Variants in SLC8A1 observed in about 807,000 individuals in gnomAD.
SLC8A1 encodes the protein sodium/calcium exchanger 1.
In SLC8A1, 18 loss-of-function variants were observed where a neutral mutation model predicts 68.3. The ratio of observed to expected loss-of-function variants is 0.26; its 90% confidence interval spans 0.18 to 0.39. The LOEUF (loss-of-function observed/expected upper bound fraction) is 0.39. Ranked by LOEUF, SLC8A1 falls within the 10% of genes least tolerant of loss-of-function variation. The pLI is 1.00. For synonymous variants in SLC8A1, 475 were observed against 415.5 expected (o/e 1.14, Z -1.74); for missense variants, 985 against 1,156.7 (o/e 0.85, Z 2.15).
chr2:40,250,672 C>CCTAA (rs1229491964), intron 2 of SLC8A1, among the ~76,000 whole-genome samples: 1 of 152,142 alleles, frequency 6.6e-6, no homozygotes, highest in African/African-American at 2.4e-5. Context: ...GAAACTTTCG[C>CCTAA]CTAACTTTCT....
chr2:40,141,595 C>G (rs113649836), intron 6 of SLC8A1, among the ~76,000 whole-genome samples: 19 of 152,218 alleles, frequency 1.2e-4, no homozygotes, highest in South Asian at 6.2e-4. Context: ...CATTGCTGAC[C>G]GTTTGCTCTG....
chr2:40,166,280 G>T (rs2046545684), intron 4 of SLC8A1, among the ~76,000 whole-genome samples: 1 of 152,160 alleles, frequency 6.6e-6, no homozygotes, highest in African/African-American at 2.4e-5. Flanking sequence ...CTCGTTGTGA[G>T]GGCAGGGAGT....
At chr2:40,500,860 C>T (rs1342210400) in intron 1 of SLC8A1, among the ~76,000 whole-genome samples, 1 of 117,700 alleles carries the variant, frequency 8.5e-6, no homozygotes, top group Non-Finnish European at 1.6e-5. Context: ...CTGCCTACTG[C>T]AGCCAGGAAG....
chr2:40,208,195 G>T (rs1256381517), intron 2 of SLC8A1, among the ~76,000 whole-genome samples: 1 of 152,132 alleles, frequency 6.6e-6, no homozygotes, highest in Non-Finnish European at 1.5e-5. Context: ...CCTCAGTCCA[G>T]TGAGCACTGA....
Position 40,178,147 on chromosome 2 carries a change from G to A in SLC8A1, c.1809-292C>T, listed in dbSNP as rs556678037. Among the ~76,000 whole-genome samples, 239 of 152,332 alleles carry A rather than the reference G, an allele frequency of 1.6e-3. 1 individual carries two copies. The highest frequency in any genetic ancestry group is 5.6e-3 in the African/African-American group (232 of 41,576). Reference sequence around the variant, plus strand: ...CATGGCATCTGCAGCAACTTTCCCAGAAATGGATGCTTGATTGACTGCCCT... The same window carrying A: ...CATGGCATCTGCAGCAACTTTCCCAAAAATGGATGCTTGATTGACTGCCCT... On this transcript the variant is annotated intron_variant, in intron 2 of 7. Coordinates refer to ENST00000406785, the Ensembl canonical transcript of SLC8A1.
At chr2:40,346,687 G>C (rs577954048) in intron 2 of SLC8A1, among the ~76,000 whole-genome samples, 3 of 152,274 alleles carry the variant, frequency 2.0e-5, no homozygotes, top group South Asian at 4.1e-4. Context: ...AAAAGTCTGA[G>C]TGCCAAACAG....
chr2:40,302,437 T>C (rs1029524311), intron 2 of SLC8A1, among the ~76,000 whole-genome samples: 6 of 132,950 alleles, frequency 4.5e-5, no homozygotes, highest in African/African-American at 1.1e-4. Context: ...TAGTATTCCA[T>C]TGTGTGTGTG....
intron 2 of SLC8A1, among the ~76,000 whole-genome samples, chr2:40,289,139 A>C (rs2068848874): frequency 6.6e-6 from 1 of 152,040 alleles, no homozygotes. Context: ...ACTTTTACGC[A>C]ATATCATTTT....
At chr2:40,170,328 A>G (rs1248760835) in intron 4 of SLC8A1, 2 of 1,614,092 alleles carry the variant, frequency 1.2e-6, no homozygotes, top group Admixed American at 1.7e-5. Flanking sequence ...TCTAGCATGA[A>G]CCTTCCTGAA....
At chr2:40,167,028 T>C (rs1288450504) in intron 4 of SLC8A1, among the ~76,000 whole-genome samples, 2 of 152,174 alleles carry the variant, frequency 1.3e-5, no homozygotes, top group Non-Finnish European at 2.9e-5. Flanking sequence ...ATAGAGAAAT[T>C]ACAAAACAAA....
intron 6 of SLC8A1, among the ~76,000 whole-genome samples, chr2:40,150,920 A>G (rs2043299724): frequency 6.6e-6 from 1 of 152,134 alleles, no homozygotes; most frequent in African/African-American, 2.4e-5. Context: ...AGATCGACAG[A>G]TATCCTAAAT....
At chr2:40,389,484 A>C (rs1168278870) in intron 2 of SLC8A1, among the ~76,000 whole-genome samples, 1 of 152,100 alleles carries the variant, frequency 6.6e-6, no homozygotes, top group Non-Finnish European at 1.5e-5. Flanking sequence ...TCTAAGTTTT[A>C]GCAAATAAAA....
intron 2 of SLC8A1, among the ~76,000 whole-genome samples, chr2:40,210,344 CAT>C (rs1382829271): frequency 5.3e-5 from 8 of 152,168 alleles, no homozygotes; most frequent in African/African-American, 1.7e-4. Context: ...TCACTGAACT[CAT>C]AGCTCTTTGC....
chr2:40,416,952 A>G (rs1050524799), intron 2 of SLC8A1, among the ~76,000 whole-genome samples: 1 of 152,110 alleles, frequency 6.6e-6, no homozygotes, highest in Non-Finnish European at 1.5e-5. Context: ...CCACTGGAAA[A>G]GGGTAGATAA....
chr2:40,228,940 C>T (rs1558851760), intron 2 of SLC8A1, among the ~76,000 whole-genome samples: 1 of 152,072 alleles, frequency 6.6e-6, no homozygotes, highest in African/African-American at 2.4e-5. Context: ...TAAATTGTCT[C>T]CTTTTATTAA....
intron 2 of SLC8A1, among the ~76,000 whole-genome samples, chr2:40,180,343 G>C (rs2049264858): frequency 6.6e-6 from 1 of 152,186 alleles, no homozygotes; most frequent in African/African-American, 2.4e-5. Flanking sequence ...TGTAAGGAAT[G>C]ATTGATTATT....
At chr2:40,364,977 C>T (rs1276318774) in intron 2 of SLC8A1, among the ~76,000 whole-genome samples, 2 of 151,916 alleles carry the variant, frequency 1.3e-5, no homozygotes, top group African/African-American at 4.8e-5. Flanking sequence ...ACATGTCTCT[C>T]TAATCAAGAA....
At chr2:40,491,543 A>G (rs1357358583) in intron 1 of SLC8A1, among the ~76,000 whole-genome samples, 6 of 151,956 alleles carry the variant, frequency 3.9e-5, no homozygotes, top group Admixed American at 6.6e-5. Context: ...TGGTGAGAGA[A>G]GGCATCCCTG....
chr2:40,395,332 G>T (rs1031914636), intron 2 of SLC8A1, among the ~76,000 whole-genome samples: 1 of 152,052 alleles, frequency 6.6e-6, no homozygotes, highest in Non-Finnish European at 1.5e-5. Context: ...ATCTGATCTA[G>T]CCCTGCTATT....
Sources: allele counts gnomAD v4.1 joint callset (sites outside exome capture counted in the v4.1 genomes callset), GRCh38; gene constraint gnomAD v4.1.1; transcripts MANE v1.5; gene names NCBI Gene and HGNC (gene_info 2026-07-23, HGNC 2026-07-21).